Variants in ATP2C2 observed in about 807,000 individuals in gnomAD.
ATP2C2 encodes the protein ATPase secretory pathway Ca2+ transporting 2.
ATP2C2 carries 171 observed loss-of-function variants against 110.8 expected under a neutral mutation model. That is an observed-to-expected ratio of 1.54 (90% CI 1.36 to 1.75). ATP2C2 has a LOEUF of 1.75. Ranked by LOEUF, ATP2C2 falls within the 40% of genes most tolerant of loss-of-function variation. ATP2C2 has a pLI of 0.00. For missense variants in ATP2C2, 1,963 were observed against 1,235.0 expected (o/e 1.59, Z -8.84); for synonymous variants, 804 against 508.4 (o/e 1.58, Z -7.82).
intron 2 of ATP2C2, chr16:84,404,511 G>A (rs903347052): frequency 1.1e-5 from 2 of 179,070 alleles, no homozygotes; most frequent in Non-Finnish European, 2.4e-5. Flanking sequence ...TATCCATGTT[G>A]TAGCACGTGT....
intron 2 of ATP2C2, among the ~76,000 whole-genome samples, chr16:84,402,858 T>C (rs1372104169): frequency 1.3e-5 from 2 of 152,184 alleles, no homozygotes; most frequent in Admixed American, 6.5e-5. Flanking sequence ...TTAGTAGGAT[T>C]GGTATCGCTT....
intron 1 of ATP2C2, among the ~76,000 whole-genome samples, chr16:84,391,420 C>A (rs970376054): frequency 6.6e-6 from 1 of 152,212 alleles, no homozygotes; most frequent in Non-Finnish European, 1.5e-5. Context: ...GAAGCCCTAA[C>A]CCCTGGTACC....
rs1431589936 is a variant in ATP2C2 at position 84,463,918 on chromosome 16, G to C, written c.*186G>C. ...AGGGACCCAGGCCCACATCCATCCA[G>C]CGTTCCCGCTGGCTGTGGGACAGAC... On this transcript the variant is annotated 3_prime_UTR_variant, in exon 27 of 27. Transcript: ENST00000262429. 5 of 590,094 alleles carry C rather than the reference G, an allele frequency of 8.5e-6. No individual in the cohort carries two copies. Among genetic ancestry groups the C allele is most frequent in the African/African-American group, 1.9e-5 (1 of 53,854 alleles). The allele number at this position is 590,094 out of a possible 1,614,324, so 36.6% of individuals were successfully genotyped here.
chr16:84,417,972 T>G (rs557517668), intron 7 of ATP2C2, among the ~76,000 whole-genome samples: 1 of 152,328 alleles, frequency 6.6e-6, no homozygotes, highest in East Asian at 1.9e-4. Context: ...AGAAAGCTCT[T>G]AAAGTAATAG....
intron 7 of ATP2C2, among the ~76,000 whole-genome samples, chr16:84,419,083 C>A (rs1907088948): frequency 6.6e-6 from 1 of 151,724 alleles, no homozygotes; most frequent in South Asian, 2.1e-4. Flanking sequence ...GTGGCGTGCA[C>A]CTGTAGTCCC....
chr16:84,407,697 C>A (rs1905899012), intron 3 of ATP2C2, among the ~76,000 whole-genome samples: 1 of 152,042 alleles, frequency 6.6e-6, no homozygotes, highest in African/African-American at 2.4e-5. Flanking sequence ...GACTGAAACT[C>A]CTGGGCTCAA....
chr16:84,382,109 A>T (rs1597733585), intron 1 of ATP2C2, among the ~76,000 whole-genome samples: 1 of 152,048 alleles, frequency 6.6e-6, no homozygotes, highest in East Asian at 1.9e-4. Flanking sequence ...TACATTAGTT[A>T]TTTCTCCTAA....
intron 14 of ATP2C2, among the ~76,000 whole-genome samples, chr16:84,441,703 C>T (rs1909272569): frequency 6.6e-6 from 1 of 152,168 alleles, no homozygotes; most frequent in South Asian, 2.1e-4. Flanking sequence ...GGTGGATCAC[C>T]TGAGTTCAGG....
At chr16:84,410,886 A>T (rs527259540) in intron 6 of ATP2C2, 121 bp downstream of exon 6, 10 of 990,324 alleles carry the variant, frequency 1.0e-5, no homozygotes, top group East Asian at 7.8e-5. Flanking sequence ...ACCACATCTC[A>T]CTGGGAGTTC....
chr16:84,398,441 A>T, intron 1 of ATP2C2, 58 bp from the exon 2 acceptor site: 2 of 1,019,550 alleles, frequency 2.0e-6, no homozygotes, highest in Non-Finnish European at 2.7e-6. Flanking sequence ...AAATAAATTT[A>T]AAAATTAATC....
chr16:84,412,750 C>T (rs1906488566), intron 6 of ATP2C2, among the ~76,000 whole-genome samples: 1 of 152,112 alleles, frequency 6.6e-6, no homozygotes, highest in African/African-American at 2.4e-5. Flanking sequence ...GAGGTCCTGT[C>T]AGGCTGATCT....
chr16:84,438,934 A>C, intron 11 of ATP2C2: 1 of 494,970 alleles, frequency 2.0e-6, no homozygotes, highest in Non-Finnish European at 3.6e-6. Flanking sequence ...TAAGGTGTGG[A>C]TGACTGACAG....
At chr16:84,369,400 CCCTT>C (rs10569630) in intron 1 of ATP2C2, among the ~76,000 whole-genome samples, 59,212 of 151,678 alleles carry the variant, frequency 0.39, 13,033 homozygotes, top group East Asian at 0.76. Flanking sequence ...TGACCCAACA[CCCTT>C]CTTTTTAGCT....
At chr16:84,423,835 A>G (rs1295634127) in intron 10 of ATP2C2, among the ~76,000 whole-genome samples, 2 of 152,206 alleles carry the variant, frequency 1.3e-5, no homozygotes, top group Admixed American at 6.5e-5. Flanking sequence ...CTATGCTTCT[A>G]AGCAGGCTGT....
intron 1 of ATP2C2, among the ~76,000 whole-genome samples, chr16:84,387,708 A>G (rs1298126629): frequency 2.6e-5 from 4 of 152,150 alleles, no homozygotes; most frequent in Non-Finnish European, 5.9e-5. Context: ...GCCCCTCAAG[A>G]ATAAGACTTT....
intron 21 of ATP2C2, among the ~76,000 whole-genome samples, chr16:84,458,902 A>G (rs373293233): frequency 6.6e-6 from 1 of 152,216 alleles, no homozygotes; most frequent in Non-Finnish European, 1.5e-5. Context: ...AAGGGCGAAC[A>G]TGGCTCAAGG....
At position 84,463,927 on chromosome 16, in the gene ATP2C2, C is replaced by T; in HGVS notation, c.*195C>T. The T allele has an allele frequency of 1.7e-6, 1 of 577,362 alleles. No individual in the cohort carries two copies. Among genetic ancestry groups the T allele is most frequent in the Non-Finnish European group, 3.1e-6 (1 of 323,944 alleles). The allele number at this position is 577,362 out of a possible 1,614,324, so 35.8% of individuals were successfully genotyped here. A position where few individuals can be genotyped will look rare whatever the true frequency, so the allele number is the denominator to read the frequency against. Reference sequence around the variant, plus strand: ...GGCCCACATCCATCCAGCGTTCCCGCTGGCTGTGGGACAGACAGGGAGGGG... The same window carrying T: ...GGCCCACATCCATCCAGCGTTCCCGTTGGCTGTGGGACAGACAGGGAGGGG... On this transcript the variant is annotated 3_prime_UTR_variant, in exon 27 of 27. Transcript: ENST00000262429.
chr16:84,396,034 T>C (rs1333020044), intron 1 of ATP2C2, among the ~76,000 whole-genome samples: 1 of 152,116 alleles, frequency 6.6e-6, no homozygotes, highest in South Asian at 2.1e-4. Context: ...GTTTGACTAT[T>C]TTAGGGACCT....
chr16:84,460,315 G>A (rs1454003985), intron 23 of ATP2C2: 3 of 373,560 alleles, frequency 8.0e-6, no homozygotes, highest in Non-Finnish European at 1.5e-5. Context: ...GCGGAGGGCG[G>A]AGCCTGGAGC....
Sources: allele counts gnomAD v4.1 joint callset (sites outside exome capture counted in the v4.1 genomes callset), GRCh38; gene constraint gnomAD v4.1.1; transcripts MANE v1.5; gene names NCBI Gene and HGNC (gene_info 2026-07-23, HGNC 2026-07-21).